PIGN: variants seen among roughly 807,000 people sequenced by gnomAD.
PIGN encodes phosphatidylinositol glycan anchor biosynthesis class N, also known as GPI ethanolamine phosphate transferase 1.
Under a neutral mutation model 125.4 loss-of-function variants are expected in PIGN, and 117 were observed. The observed-to-expected ratio is 0.93, with a 90% CI of 0.80 to 1.09. The LOEUF (loss-of-function observed/expected upper bound fraction) is 1.09. Ranked by LOEUF, PIGN falls within the 50% of genes least tolerant of loss-of-function variation. The pLI is 0.00. For missense variants in PIGN, 1,075 were observed against 1,094.9 expected, an observed-to-expected ratio of 0.98 and a Z score of 0.26; for synonymous variants, 392 against 377.8, an observed-to-expected ratio of 1.04 and a Z score of -0.44.
In PIGN at chr18:62,148,301, A is replaced by G. The variant is rs950233837; in HGVS notation, c.587T>C (p.Phe196Ser). The change falls in exon 8 of 31, where the codon TTT (phenylalanine) becomes TCT (serine). Residue 196 changes from phenylalanine to serine, a missense_variant. Around this residue, in one of 3 missense-constraint regions of PIGN, gnomAD observed 915 missense variants for 908.7 expected, o/e 1.01. Coordinates refer to ENST00000640252, the MANE Select transcript of PIGN (RefSeq NM_176787.5). ...TATTTTCTCTTCATTTATTTTAGAA[A>G]ACAAAGACTGGTTGTTTCTGGCATG... ...FHHARNNQSL[F>S]SKINEEKIVF... is the part of the protein sequence containing the mutation. The G allele has an allele frequency of 5.9e-6, 9 of 1,530,856 alleles. No individual in the cohort carries two copies. Among genetic ancestry groups the G allele is most frequent in the Non-Finnish European group, 7.9e-6 (9 of 1,135,888 alleles). The allele number at this position is 1,530,856 out of a possible 1,614,324, so 94.8% of individuals were successfully genotyped here. A position where few individuals can be genotyped will look rare whatever the true frequency, so the allele number is the denominator to read the frequency against.
chr18:62,120,568 T>A (rs1160051592), intron 14 of PIGN, among the ~76,000 whole-genome samples: 1 of 152,170 alleles, frequency 6.6e-6, no homozygotes, highest in East Asian at 1.9e-4. Flanking sequence ...ATACTTATAA[T>A]TAAAATATAT....
intron 23 of PIGN, among the ~76,000 whole-genome samples, chr18:62,029,435 A>G (rs1046962516): frequency 7.9e-5 from 12 of 152,306 alleles, no homozygotes; most frequent in African/African-American, 2.9e-4. Context: ...AGGTAAAGAT[A>G]GAAAGGGGAT....
intron 6 of PIGN, among the ~76,000 whole-genome samples, chr18:62,155,854 G>A (rs191074103): frequency 1.5e-3 from 225 of 152,244 alleles, no homozygotes; most frequent in Non-Finnish European, 2.6e-3. Context: ...CCAAAAAAAC[G>A]AAACTGCTTT....
chr18:62,047,652 C>A (rs765676076), intron 30 of PIGN, among the ~76,000 whole-genome samples: 1 of 152,150 alleles, frequency 6.6e-6, no homozygotes, highest in Non-Finnish European at 1.5e-5. Flanking sequence ...GGATTTCTAA[C>A]CTCATCAGGC....
chr18:62,135,413 TG>T (rs922429774), intron 14 of PIGN, among the ~76,000 whole-genome samples: 6 of 151,932 alleles, frequency 3.9e-5, no homozygotes, highest in Non-Finnish European at 8.8e-5. Context: ...AACCAGTACA[TG>T]GGAATCAGCC....
At chr18:62,090,958 G>C (rs1186939213) in intron 23 of PIGN, among the ~76,000 whole-genome samples, 1 of 152,042 alleles carries the variant, frequency 6.6e-6, no homozygotes, top group African/African-American at 2.4e-5. Context: ...TCAAAAAAAT[G>C]GGCGCAACAA....
At chr18:62,177,485 G>A (rs1415109218) in intron 1 of PIGN, among the ~76,000 whole-genome samples, 1 of 152,054 alleles carries the variant, frequency 6.6e-6, no homozygotes, top group South Asian at 2.1e-4. Flanking sequence ...GATGATTAAC[G>A]TCTTTGTCTA....
intron 14 of PIGN, among the ~76,000 whole-genome samples, chr18:62,121,421 C>CTATTGAATATTATTCAATAAA (rs1301243446): frequency 1.3e-5 from 2 of 152,088 alleles, no homozygotes; most frequent in South Asian, 2.1e-4. Flanking sequence ...AGCTGATAAT[C>CTATTGAATATTATTCAATAAA]TATTGAATAT....
At chr18:62,039,275 A>G (rs891724934), downstream of PIGN, among the ~76,000 whole-genome samples, 4 of 152,130 alleles carry the variant, frequency 2.6e-5, no homozygotes, top group Non-Finnish European at 5.9e-5. Flanking sequence ...GGGTTCCAAC[A>G]CACTCCCTCA....
chr18:62,106,825 A>G lies in PIGN; in HGVS notation c.1731T>C (p.Ala577=), dbSNP rs1176501225. The G allele has an allele frequency of 6.2e-7, 1 of 1,609,176 alleles. No homozygotes were observed. The change falls in exon 19 of 31, where the codon GCT becomes GCC. Residue 577 remains alanine, a synonymous_variant. Coordinates refer to ENST00000640252, the MANE Select transcript of PIGN (RefSeq NM_176787.5). ...MLTAGLTAFA[A]WPFLTRLWTR... ...TCCACAGCCGAGTGAGAAATGGCCAAGCTGCAAAGGCAGTAAGTCCAGCGG... is the reference window on the plus strand; with the variant it reads ...TCCACAGCCGAGTGAGAAATGGCCAGGCTGCAAAGGCAGTAAGTCCAGCGG...
At chr18:62,039,613 C>T (rs1451220199), downstream of PIGN, among the ~76,000 whole-genome samples, 2 of 126,296 alleles carry the variant, frequency 1.6e-5, no homozygotes, top group African/African-American at 2.7e-5. Context: ...TGTTTAGGGC[C>T]CCATCCAGAG....
Position 62,155,540 on chromosome 18 carries a change from G to T in PIGN, c.443-889C>A, listed in dbSNP as rs187058802. On this transcript the variant is annotated intron_variant, in intron 6 of 30. Transcript: ENST00000640252. ...GCTGAGATCGTGCCACTGCACTCCA[G>T]CCTGGGCAACAAGGGCAAAACTCCG... Among the ~76,000 whole-genome samples the T allele has an allele frequency of 1.1e-4, 16 of 152,264 alleles. No homozygotes were observed. The East Asian group carries it at 3.1e-3, about 29-fold the overall frequency.
chr18:62,096,331 T>C (rs909231935), intron 22 of PIGN, among the ~76,000 whole-genome samples: 2 of 151,842 alleles, frequency 1.3e-5, no homozygotes, highest in African/African-American at 4.8e-5. Context: ...CTGAATAATC[T>C]AGTATCATTT....
intron 1 of PIGN, among the ~76,000 whole-genome samples, chr18:62,178,326 G>A (rs996697906): frequency 4.6e-5 from 7 of 151,788 alleles, no homozygotes; most frequent in South Asian, 2.1e-4. Flanking sequence ...CAAAACAGTT[G>A]ATCCTGTCAC....
rs181450352 is a variant in PIGN at position 62,167,607 on chromosome 18, G to A, written c.-235-3951C>T. Among the ~76,000 whole-genome samples, 78 of 144,144 alleles carry A rather than the reference G, an allele frequency of 5.4e-4. No individual in the cohort carries two copies. In the East Asian group the frequency reaches 0.014, roughly 26 times the overall value. The allele number at this position is 144,144 out of a possible 152,430, so 94.6% of individuals were successfully genotyped here. On this transcript the variant is annotated intron_variant, in intron 1 of 30. Transcript: ENST00000640252. Reference sequence around the variant, plus strand: ...AGATCGCACCACTGCACTCCAGCCTGAGCAACAGAGTGAAACTCCGTCTCA... The same window carrying A: ...AGATCGCACCACTGCACTCCAGCCTAAGCAACAGAGTGAAACTCCGTCTCA...
chr18:62,154,286 A>G (rs2036640863), intron 7 of PIGN: 2 of 474,910 alleles, frequency 4.2e-6, no homozygotes, highest in Non-Finnish European at 7.2e-6. Flanking sequence ...ACCCAGGATG[A>G]ATCACAAACT....
intron 30 of PIGN, among the ~76,000 whole-genome samples, chr18:62,051,518 G>A (rs1278750718): frequency 1.3e-5 from 2 of 152,152 alleles, no homozygotes; most frequent in Admixed American, 1.3e-4. Flanking sequence ...TCTGATGGTA[G>A]TTTGTATTTC....
rs538456880 is a variant in PIGN at position 62,157,633 on chromosome 18, T to A, written c.343+54A>T. On this transcript the variant is annotated intron_variant, in intron 5 of 30. Transcript: ENST00000640252. Reference sequence around the variant, plus strand: ...GTGACATGATTAAGTGGTAAAGGACTAATATTTACTTGACAAATTTTTCAT... The same window carrying A: ...GTGACATGATTAAGTGGTAAAGGACAAATATTTACTTGACAAATTTTTCAT... The A allele has an allele frequency of 2.9e-5, 43 of 1,502,046 alleles. No homozygotes were observed. The South Asian group carries it at 5.0e-4, about 17-fold the overall frequency. 93.0% of individuals were successfully genotyped at this position (1,502,046 alleles called of 1,614,324 possible).
chr18:62,020,795 TAA>T (rs58826066), intron 23 of PIGN, among the ~76,000 whole-genome samples: 8 of 140,976 alleles, frequency 5.7e-5, no homozygotes, highest in African/African-American at 1.3e-4. Flanking sequence ...CTAAAAATAT[TAA>T]AAAAAAAAAA....
Sources: allele counts gnomAD v4.1 joint callset (sites outside exome capture counted in the v4.1 genomes callset), GRCh38; gene constraint gnomAD v4.1.1; regional missense constraint gnomAD v4.1.1; transcripts MANE v1.5; gene names NCBI Gene and HGNC (gene_info 2026-07-23, HGNC 2026-07-21).